The following TENM2 variants were observed in gnomAD, a reference collection of about 807,000 sequenced individuals.
TENM2 encodes the protein teneurin transmembrane protein 2.
Under a neutral mutation model 245.2 loss-of-function variants are expected in TENM2, and 52 were observed. The observed-to-expected ratio is 0.21, with a 90% confidence interval of 0.17 to 0.27. TENM2 has a LOEUF of 0.27. TENM2 is among the 10% of genes least tolerant of loss of function. The pLI is 1.00. For synonymous variants in TENM2, 1,363 were observed against 1,438.9 expected, an observed-to-expected ratio of 0.95 and a Z score of 1.19; for missense variants, 3,046 against 3,666.8, an observed-to-expected ratio of 0.83 and a Z score of 4.37.
intron 12 of TENM2, among the ~76,000 whole-genome samples, chr5:168,127,341 C>T (rs898462004): frequency 5.3e-5 from 8 of 152,176 alleles, no homozygotes; most frequent in African/African-American, 1.9e-4. Flanking sequence ...TGGATCCCTG[C>T]TTGCTGGCAA....
At chr5:167,715,879 A>G (rs915047027) in intron 2 of TENM2, among the ~76,000 whole-genome samples, 1 of 152,222 alleles carries the variant, frequency 6.6e-6, no homozygotes, top group Non-Finnish European at 1.5e-5. Context: ...AGTTTCCGTT[A>G]TTAGGGATTA....
At position 167,587,837 on chromosome 5, in the gene TENM2, C is replaced by G. The variant is rs571653704; in HGVS notation, c.502+212364C>G. On this transcript the variant is annotated intron_variant, in intron 2 of 28. Transcript: ENST00000518659. ...ATGCAGTGAAAGGTGTAACTATTTT[C>G]CCTTTTTATATGTCAGAAAGCATTA... 9.9e-5 allele frequency among the ~76,000 whole-genome samples: 15 copies of G among 152,268 alleles called. No individual in the cohort carries two copies. In the East Asian group the frequency reaches 1.5e-3, roughly 16 times the overall value.
chr5:167,727,577 A>G (rs1489585618), intron 2 of TENM2, among the ~76,000 whole-genome samples: 2 of 152,232 alleles, frequency 1.3e-5, no homozygotes, highest in Non-Finnish European at 2.9e-5. Context: ...ATATTTGTTC[A>G]TGTTCACCTT....
chr5:168,124,749 T>C (rs1443130688), intron 10 of TENM2, 101 bp from the exon 13 acceptor site: 3 of 1,106,672 alleles, frequency 2.7e-6, no homozygotes, highest in African/African-American at 3.1e-5. Context: ...TGGGAACTGG[T>C]GACCCACTGG....
At chr5:168,093,539 G>A (rs984906541) in intron 8 of TENM2, among the ~76,000 whole-genome samples, 7 of 152,214 alleles carry the variant, frequency 4.6e-5, no homozygotes, top group African/African-American at 1.2e-4. Flanking sequence ...GAAGGAAAAT[G>A]TTAGACAGGT....
chr5:167,847,644 C>T (rs546234090), intron 2 of TENM2, among the ~76,000 whole-genome samples: 101 of 152,320 alleles, frequency 6.6e-4, no homozygotes, highest in African/African-American at 2.4e-3. Context: ...CCACCATTTG[C>T]CCATTTACTT....
At chr5:168,047,350 G>T in intron 5 of TENM2, 77 bp from the exon 8 acceptor site, 4 of 1,518,042 alleles carry the variant, frequency 2.6e-6, no homozygotes, top group Non-Finnish European at 3.6e-6. Flanking sequence ...CTTGGAAAAG[G>T]GCACCTGGCC....
intron 2 of TENM2, among the ~76,000 whole-genome samples, chr5:167,408,767 A>C (rs1048032461): frequency 2.0e-5 from 3 of 150,964 alleles, no homozygotes; most frequent in South Asian, 2.1e-4. Flanking sequence ...CAGGCTTTCC[A>C]TGTATTTCCC....
At chr5:168,199,530 C>T (rs1761753922) in intron 16 of TENM2, among the ~76,000 whole-genome samples, 1 of 152,224 alleles carries the variant, frequency 6.6e-6, no homozygotes, top group African/African-American at 2.4e-5. Flanking sequence ...CGTATAATTA[C>T]AGCCTCTCGT....
intron 4 of TENM2, among the ~76,000 whole-genome samples, chr5:167,984,107 T>G (rs1386814573): frequency 6.6e-6 from 1 of 152,140 alleles, no homozygotes; most frequent in Non-Finnish European, 1.5e-5. Flanking sequence ...CAAGGTTAAG[T>G]AACTTGCCCA....
chr5:167,405,765 C>CAA (rs2127394097), intron 2 of TENM2, among the ~76,000 whole-genome samples: 1 of 114,406 alleles, frequency 8.7e-6, no homozygotes, highest in East Asian at 3.0e-4. Flanking sequence ...AACACACACA[C>CAA]ACAAACACAC....
intron 1 of TENM2, among the ~76,000 whole-genome samples, chr5:167,305,345 A>C (rs1755607693): frequency 6.6e-6 from 1 of 152,220 alleles, no homozygotes; most frequent in Non-Finnish European, 1.5e-5. Context: ...GTGAAAGCTG[A>C]CAAGCATTTT....
rs187700192 is a variant in TENM2 at position 167,364,161 on chromosome 5, A to G, written c.227-11037A>G. On this transcript the variant is annotated intron_variant, in intron 1 of 28. Transcript: ENST00000518659. ...ATGGAAGTGAATAAATATATAAAAG[A>G]GGCAATGACTGAGACTTTTTTTATA... Among the ~76,000 whole-genome samples, 40 of 152,226 alleles carry G rather than the reference A, an allele frequency of 2.6e-4. No homozygotes were observed. The East Asian group carries it at 7.3e-3, about 28-fold the overall frequency.
In TENM2 at chr5:167,638,986, T is replaced by C. The variant is rs535317453; in HGVS notation, c.503-237000T>C. On this transcript the variant is annotated intron_variant, in intron 2 of 28. Transcript: ENST00000518659. ...GAAAGTTTTGGAATTAAGTTCCTAA[T>C]AAACTTAGAAAGTCCAACAGCTGTG... is the stretch of plus-strand genomic sequence containing the variant. Among the ~76,000 whole-genome samples, 6 of 152,352 alleles carry C rather than the reference T, an allele frequency of 3.9e-5. No individual in the cohort carries two copies. The South Asian group carries it at 1.2e-3, about 32-fold the overall frequency.
At chr5:167,194,003 G>A in the TENM2 span, among the ~76,000 whole-genome samples, 2 of 151,944 alleles carry the variant, frequency 1.3e-5, no homozygotes, top group African/African-American at 2.4e-5. Flanking sequence ...AAAGTGAGCC[G>A]TGGGACTATT....
intron 2 of TENM2, chr5:167,754,938 G>A (rs1762201200): frequency 7.1e-7 from 1 of 1,400,430 alleles, no homozygotes; most frequent in Non-Finnish European, 9.6e-7. Context: ...TGCCTATTAT[G>A]CTTTTCCTTC....
chr5:167,879,845 G>A (rs1344185939), intron 3 of TENM2, among the ~76,000 whole-genome samples: 1 of 152,012 alleles, frequency 6.6e-6, no homozygotes, highest in Admixed American at 6.6e-5. Context: ...CACATGAAGG[G>A]TGCCCTAACC....
intron 2 of TENM2, among the ~76,000 whole-genome samples, chr5:167,591,242 A>T (rs954862437): frequency 3.9e-5 from 6 of 152,352 alleles, no homozygotes; most frequent in Admixed American, 2.0e-4. Flanking sequence ...AACTGTTATC[A>T]TATTAAAAGC....
rs115077379 is a variant in TENM2, at chr5:167,748,432, G to A, written c.503-127554G>A. Reference sequence around the variant, plus strand: ...CTTGTTCTATCACCTAGGCTGGAGCGTAGTAGTGTAATCATAGCTGGCTGC... The same window carrying A: ...CTTGTTCTATCACCTAGGCTGGAGCATAGTAGTGTAATCATAGCTGGCTGC... On this transcript the variant is annotated intron_variant, in intron 2 of 28. Coordinates refer to ENST00000518659, the Ensembl canonical transcript of TENM2. Among the ~76,000 whole-genome samples, 936 of 152,112 alleles carry A rather than the reference G, an allele frequency of 6.2e-3. 11 individuals are homozygous for A. Among genetic ancestry groups the A allele is most frequent in the African/African-American group, 0.022 (894 of 41,502 alleles).
Sources: allele counts gnomAD v4.1 joint callset (sites outside exome capture counted in the v4.1 genomes callset), GRCh38; gene constraint gnomAD v4.1.1; transcripts MANE v1.5; gene names NCBI Gene and HGNC (gene_info 2026-07-23, HGNC 2026-07-21).